The following UBN2 variants were observed in gnomAD, a reference collection of about 807,000 sequenced individuals.
The protein encoded by UBN2 is ubinuclein 2.
In UBN2, 35 loss-of-function variants were observed where a neutral mutation model predicts 120.2. The ratio of observed to expected loss-of-function variants is 0.29; its 90% CI spans 0.22 to 0.39. The LOEUF (loss-of-function observed/expected upper bound fraction) is 0.39. UBN2 is among the 10% of genes least tolerant of loss of function. The pLI, the probability that UBN2 is intolerant of heterozygous loss-of-function variation, is 1.00. For missense variants in UBN2, 1,693 were observed against 1,663.2 expected (o/e 1.02, Z -0.31); for synonymous variants, 661 against 648.7 (o/e 1.02, Z -0.29).
At position 139,305,937 on chromosome 7, in the gene UBN2, G is replaced by A. The variant is rs1397030130; in HGVS notation, c.*8101G>A. On this transcript the variant is annotated 3_prime_UTR_variant, in exon 18 of 18. Transcript: ENST00000473989. Reference sequence around the variant, plus strand: ...CTCCCCCTGAAATAAGCCTACTTTTGCAAACAGGCCATATGAATCAAATTT... The same window carrying A: ...CTCCCCCTGAAATAAGCCTACTTTTACAAACAGGCCATATGAATCAAATTT... 1 of 151,964 alleles carries A rather than the reference G, an allele frequency of 6.6e-6. No individual in the cohort carries two copies. The highest frequency in any genetic ancestry group is 1.9e-4 in the East Asian group (1 of 5,192). The allele number at this position is 151,964 out of a possible 1,614,324, so 9.4% of individuals were successfully genotyped here. A position where few individuals can be genotyped will look rare whatever the true frequency, so the allele number is the denominator to read the frequency against.
At chr7:139,325,455 G>C in the UBN2 span, among the ~76,000 whole-genome samples, 1 of 151,936 alleles carries the variant, frequency 6.6e-6, no homozygotes, top group African/African-American at 2.4e-5. Flanking sequence ...TTTTAATAGA[G>C]AAAGGGTTTC....
intron 2 of UBN2, among the ~76,000 whole-genome samples, chr7:139,243,812 G>GTC (rs1433515340): frequency 2.6e-5 from 4 of 152,186 alleles, no homozygotes; most frequent in Non-Finnish European, 1.5e-5. Context: ...TATAAGTGGA[G>GTC]CAATGCCTTT....
At chr7:139,239,250 G>A (rs1353706898) in intron 2 of UBN2, among the ~76,000 whole-genome samples, 1 of 151,766 alleles carries the variant, frequency 6.6e-6, no homozygotes, top group African/African-American at 2.4e-5. Flanking sequence ...TATTTGGGGG[G>A]GTCATATCAG....
intron 2 of UBN2, among the ~76,000 whole-genome samples, chr7:139,248,574 A>G (rs190829527): frequency 6.6e-6 from 1 of 152,020 alleles, no homozygotes; most frequent in Non-Finnish European, 1.5e-5. Flanking sequence ...TTTAATTCTT[A>G]TATACTAGGT....
chr7:139,328,860 A>G, the UBN2 span, among the ~76,000 whole-genome samples: 7 of 72,606 alleles, frequency 9.6e-5, no homozygotes, highest in Admixed American at 8.1e-4. Flanking sequence ...CTGTCTCAAG[A>G]AAAAAAAAAA....
At chr7:139,279,607 C>A (rs951890579) in intron 13 of UBN2, among the ~76,000 whole-genome samples, 1 of 152,078 alleles carries the variant, frequency 6.6e-6, no homozygotes, top group Non-Finnish European at 1.5e-5. Context: ...AGGTAAAATA[C>A]AACAAATATT....
chr7:139,248,274 G>A (rs943559946), intron 2 of UBN2, among the ~76,000 whole-genome samples: 1 of 152,054 alleles, frequency 6.6e-6, no homozygotes. Flanking sequence ...ATACTTCATA[G>A]GAAATTTGGA....
intron 17 of UBN2, among the ~76,000 whole-genome samples, chr7:139,296,441 C>T (rs958040200): frequency 1.3e-5 from 2 of 152,190 alleles, no homozygotes; most frequent in Non-Finnish European, 2.9e-5. Flanking sequence ...TCCTTTTCAC[C>T]TGTGTATTTC....
the UBN2 span, among the ~76,000 whole-genome samples, chr7:139,319,969 C>G: frequency 0.069 from 10,376 of 150,852 alleles, 693 homozygotes; most frequent in African/African-American, 0.17. Flanking sequence ...CCAGCTACTC[C>G]GGAGGCCAAG....
Position 139,231,879 on chromosome 7 carries a change from T to G in UBN2, c.395T>G (p.Val132Gly). Residue 132 changes from valine to glycine, a missense_variant, in exon 1 of 18, where the codon GTG becomes GGG. Val to Gly is a moderately radical substitution (Grantham distance 109). Coordinates refer to ENST00000473989, the MANE Select transcript of UBN2 (RefSeq NM_173569.4). ...AGGGAGACGGTGCGCCTGGAGCTGG[T>G]GCTTAAGGACCCCACCGACGAGAGC... Reference protein sequence around the residue: ...PPRETVRLELVLKDPTDESCV... With the variant: ...PPRETVRLELGLKDPTDESCV... 2 of 1,577,630 alleles carry G rather than the reference T, an allele frequency of 1.3e-6. No individual in the cohort carries two copies. The highest frequency in any genetic ancestry group is 1.7e-6 in the Non-Finnish European group (2 of 1,167,936).
chr7:139,285,930 A>G (rs1797774725), intron 15 of UBN2, among the ~76,000 whole-genome samples: 1 of 151,432 alleles, frequency 6.6e-6, no homozygotes. Context: ...TTTATTTATT[A>G]TTATTATTAT....
intron 2 of UBN2, among the ~76,000 whole-genome samples, chr7:139,246,844 T>C (rs1310618967): frequency 1.3e-5 from 2 of 152,184 alleles, no homozygotes; most frequent in East Asian, 3.9e-4. Flanking sequence ...GTACTTTGAC[T>C]TAGCATAGTA....
chr7:139,329,938 G>T, the UBN2 span, among the ~76,000 whole-genome samples: 1 of 152,174 alleles, frequency 6.6e-6, no homozygotes, highest in Middle Eastern at 3.4e-3. Flanking sequence ...TGGCTGCAAA[G>T]GTACCAAGGT....
intron 7 of UBN2, among the ~76,000 whole-genome samples, chr7:139,267,759 T>C (rs532518684): frequency 1.3e-3 from 202 of 151,294 alleles, no homozygotes; most frequent in African/African-American, 4.6e-3. Context: ...ATGTATAACT[T>C]AGTCTGCCGC....
intron 2 of UBN2, 122 bp from the exon 3 acceptor site, chr7:139,251,834 C>A: frequency 1.3e-6 from 1 of 792,600 alleles, no homozygotes; most frequent in Non-Finnish European, 2.1e-6. Context: ...TGTGGGAGGA[C>A]TTAAACCTCC....
At chr7:139,275,480 G>C (rs1195022408) in intron 11 of UBN2, among the ~76,000 whole-genome samples, 1 of 151,652 alleles carries the variant, frequency 6.6e-6, no homozygotes, top group African/African-American at 2.4e-5. Context: ...CTACTCGGGA[G>C]GCTGAGGCAG....
At position 139,307,664 on chromosome 7, in the gene UBN2, G is replaced by A. The variant is rs974917690; in HGVS notation, c.*9828G>A. The A allele has an allele frequency of 1.3e-5, 2 of 152,058 alleles. No individual in the cohort carries two copies. The highest frequency in any genetic ancestry group is 2.4e-5 in the African/African-American group (1 of 41,386). 9.4% of individuals were successfully genotyped at this position (152,058 alleles called of 1,614,324 possible). On this transcript the variant is annotated 3_prime_UTR_variant, in exon 18 of 18. Coordinates refer to ENST00000473989, the MANE Select transcript of UBN2 (RefSeq NM_173569.4). ...CTGCTACTGAACCCTGCACTGAGCC[G>A]AGGTATTTCCATTTGGTTAACTAAA...
chr7:139,322,467 G>C, the UBN2 span, among the ~76,000 whole-genome samples: 1 of 152,152 alleles, frequency 6.6e-6, no homozygotes, highest in Non-Finnish European at 1.5e-5. Flanking sequence ...TCAGCAAAAG[G>C]CTGCATGGGA....
Position 139,231,696 on chromosome 7 carries a change from C to T in UBN2, c.212C>T (p.Pro71Leu). 1 of 1,179,840 alleles carries T rather than the reference C, an allele frequency of 8.5e-7. No individual in the cohort carries two copies. The highest frequency in any genetic ancestry group is 1.0e-6 in the Non-Finnish European group (1 of 957,668). 73.1% of individuals were successfully genotyped at this position (1,179,840 alleles called of 1,614,324 possible). A position where few individuals can be genotyped will look rare whatever the true frequency, so the allele number is the denominator to read the frequency against. The change falls in exon 1 of 18, where the codon CCG becomes CTG. Residue 71 changes from proline (P) to leucine (L), a missense_variant. Physicochemically the swap from Pro to Leu is moderately conservative, Grantham distance 98. Coordinates refer to ENST00000473989, the MANE Select transcript of UBN2 (RefSeq NM_173569.4). ...SDAQPPSREK[P>L]LPQREVSRAE... ...GCGCAGCCCCCGTCGCGGGAGAAGC[C>T]GCTCCCCCAGCGCGAGGTCAGCCGC... is the stretch of plus-strand genomic sequence containing the variant.
Sources: gnomAD v4.1 joint callset for allele counts (sites outside exome capture counted in the v4.1 genomes callset) on GRCh38, gnomAD v4.1.1 for gene constraint, MANE v1.5 for transcripts, NCBI Gene and HGNC (gene_info 2026-07-23, HGNC 2026-07-21) for gene names.